Variants in HHIP observed in about 807,000 individuals in gnomAD.
HHIP encodes hedgehog interacting protein.
Under a neutral mutation model 74.0 loss-of-function variants are expected in HHIP, and 12 were observed. The observed-to-expected ratio is 0.16, with a 90% CI of 0.10 to 0.26. HHIP has a LOEUF of 0.26. Ranked by LOEUF, HHIP falls within the 10% of genes least tolerant of loss-of-function variation. The probability of loss-of-function intolerance (pLI) is 1.00; values close to 1 mark genes in which losing one functional copy is unlikely to be tolerated. For synonymous variants in HHIP, 309 were observed against 311.6 expected (o/e 0.99, Z 0.09); for missense variants, 788 against 845.0 (o/e 0.93, Z 0.84).
chr4:144,669,626 C>CA (rs948750076), intron 4 of HHIP, among the ~76,000 whole-genome samples: 30 of 151,328 alleles, frequency 2.0e-4, no homozygotes, highest in Middle Eastern at 3.4e-3. Flanking sequence ...AGTAGAGTAA[C>CA]AAAAAAAAGA....
At chr4:144,720,007 T>C (rs1384108172) in intron 11 of HHIP, among the ~76,000 whole-genome samples, 25 of 152,206 alleles carry the variant, frequency 1.6e-4, no homozygotes, top group Non-Finnish European at 1.0e-4. Context: ...TAGGTCGACA[T>C]TGGCTCTTGC....
At chr4:144,709,878 T>C (rs1372954850) in intron 7 of HHIP, among the ~76,000 whole-genome samples, 2 of 152,228 alleles carry the variant, frequency 1.3e-5, no homozygotes, top group African/African-American at 4.8e-5. Flanking sequence ...TCTCGCATTA[T>C]GATCATCCCC....
chr4:144,685,276 A>G (rs1729456028), intron 4 of HHIP, among the ~76,000 whole-genome samples: 1 of 152,210 alleles, frequency 6.6e-6, no homozygotes, highest in Non-Finnish European at 1.5e-5. Flanking sequence ...CCAAATTGAG[A>G]CAATTCTGAG....
intron 11 of HHIP, among the ~76,000 whole-genome samples, chr4:144,727,306 C>T (rs1332239669): frequency 1.3e-5 from 2 of 152,134 alleles, no homozygotes; most frequent in Admixed American, 6.6e-5. Context: ...CATGGGGGCT[C>T]TATCTTCATG....
rs939470124 is a variant in HHIP, at chr4:144,739,692, A to G, written c.*1735A>G. The G allele has an allele frequency of 6.6e-6, 1 of 152,224 alleles. No homozygotes were observed. The highest frequency in any genetic ancestry group is 1.5e-5 in the Non-Finnish European group (1 of 68,024). The allele number at this position is 152,224 out of a possible 1,614,324, so 9.4% of individuals were successfully genotyped here. ...AGAAATCTTGGTTCAGTGCTTAGTG[A>G]ACAATAGCCTGCATTAAAAAGTGCA... On this transcript the variant is annotated 3_prime_UTR_variant, in exon 13 of 13. Transcript: ENST00000296575.
intron 10 of HHIP, among the ~76,000 whole-genome samples, chr4:144,718,217 G>A (rs190037478): frequency 6.6e-6 from 1 of 152,254 alleles, no homozygotes; most frequent in Admixed American, 6.5e-5. Flanking sequence ...AGTGCAGTCA[G>A]GAAAGGTGAT....
intron 4 of HHIP, among the ~76,000 whole-genome samples, chr4:144,701,949 T>C (rs1729997856): frequency 1.3e-5 from 2 of 152,284 alleles, no homozygotes; most frequent in African/African-American, 4.8e-5. Context: ...ATGTTGTCTT[T>C]TAAATGTCAC....
At chr4:144,727,620 A>G (rs997781273) in intron 11 of HHIP, among the ~76,000 whole-genome samples, 2 of 152,210 alleles carry the variant, frequency 1.3e-5, no homozygotes, top group Non-Finnish European at 2.9e-5. Flanking sequence ...TTGTCTTTTT[A>G]TCTAAAAGCA....
chr4:144,741,045 G>A lies in HHIP; in HGVS notation c.*3088G>A, dbSNP rs969313302. 12 of 152,210 alleles carry A rather than the reference G, an allele frequency of 7.9e-5. No individual in the cohort carries two copies. The highest frequency in any genetic ancestry group is 5.8e-4 in the East Asian group (3 of 5,188). The allele number at this position is 152,210 out of a possible 1,614,324, so 9.4% of individuals were successfully genotyped here. ...CAATTTGGCAGATCTTTAAGTGAAA[G>A]AGAGAAAAAATTTAAGAAATTGAGT... is the stretch of plus-strand genomic sequence containing the variant. On this transcript the variant is annotated 3_prime_UTR_variant, in exon 13 of 13. Transcript: ENST00000296575.
At chr4:144,711,004 G>T (rs1730281216) in intron 7 of HHIP, among the ~76,000 whole-genome samples, 1 of 151,714 alleles carries the variant, frequency 6.6e-6, no homozygotes. Flanking sequence ...TATATTCCTG[G>T]CTTTGAACCA....
chr4:144,660,230 C>G (rs183929932), intron 4 of HHIP: 1 of 264,702 alleles, frequency 3.8e-6, no homozygotes, highest in Non-Finnish European at 7.0e-6. Context: ...CTTTCACCAT[C>G]TCTGTTTTTG....
At position 144,654,536 on chromosome 4, in the gene HHIP, T is replaced by G. The variant is rs17019593; in HGVS notation, c.472+1739T>G. 1.8e-3 allele frequency among the ~76,000 whole-genome samples: 268 copies of G among 152,278 alleles called. 3 individuals are homozygous for G. Among genetic ancestry groups the G allele is most frequent in the African/African-American group, 5.8e-3 (243 of 41,552 alleles). On this transcript the variant is annotated intron_variant, in intron 2 of 12. Coordinates refer to ENST00000296575, the MANE Select transcript of HHIP (RefSeq NM_022475.3). The stretch of plus-strand genomic sequence containing the variant: ...AAATGCTAATGATCATTCTCAATAC[T>G]TGCCCCAAAAGTGAGCTGTAATAAC...
rs773838830 is a variant in HHIP at position 144,659,666 on chromosome 4, A to G, written c.659A>G (p.Gln220Arg). The change falls in exon 4 of 13, where the codon CAG becomes CGG. Residue 220 changes from glutamine to arginine, a missense_variant. Gln to Arg is a conservative substitution (Grantham distance 43). Around this residue, in one of 3 missense-constraint regions of HHIP, gnomAD observed 373 missense variants for 366.4 expected, o/e 1.02. Coordinates refer to ENST00000296575, the MANE Select transcript of HHIP (RefSeq NM_022475.3). Reference protein sequence around the residue: ...RKHKHNCFCIQEVVSGLRQPV... With the variant: ...RKHKHNCFCIREVVSGLRQPV... Reference sequence around the variant, plus strand: ...CACAAACACAACTGCTTCTGTATTCAGGAGGTTGTGAGTGGGCTGCGGCAG... The same window carrying G: ...CACAAACACAACTGCTTCTGTATTCGGGAGGTTGTGAGTGGGCTGCGGCAG... The G allele has an allele frequency of 1.9e-6, 3 of 1,541,688 alleles. No homozygotes were observed. The highest frequency in any genetic ancestry group is 4.4e-5 in the Admixed American group (2 of 45,082).
rs1730424204 is a variant in HHIP, at chr4:144,715,499, G to C, written c.1678+69G>C. 6 of 1,463,792 alleles carry C rather than the reference G, an allele frequency of 4.1e-6. No homozygotes were observed. In the South Asian group the frequency reaches 4.9e-5, roughly 12 times the overall value. 90.7% of individuals were successfully genotyped at this position (1,463,792 alleles called of 1,614,324 possible). A position where few individuals can be genotyped will look rare whatever the true frequency, so the allele number is the denominator to read the frequency against. On this transcript the variant is annotated intron_variant, in intron 10 of 12. Coordinates refer to ENST00000296575, the MANE Select transcript of HHIP (RefSeq NM_022475.3). ...TTTTCAAGAGGCTTTGTTCTGCCCTGAAGAATAAATACAGCAATCTTATCC... is the reference window on the plus strand; with the variant it reads ...TTTTCAAGAGGCTTTGTTCTGCCCTCAAGAATAAATACAGCAATCTTATCC...
intron 10 of HHIP, among the ~76,000 whole-genome samples, chr4:144,718,081 T>C (rs554986705): frequency 1.2e-4 from 19 of 152,286 alleles, no homozygotes; most frequent in Non-Finnish European, 2.5e-4. Context: ...ATTTATATTG[T>C]ACAGGAGGAG....
chr4:144,697,457 G>A (rs1027434294), intron 4 of HHIP, among the ~76,000 whole-genome samples: 4 of 151,944 alleles, frequency 2.6e-5, no homozygotes, highest in Admixed American at 6.6e-5. Flanking sequence ...CATCTGATGC[G>A]TATTGAGCCA....
chr4:144,684,356 T>C (rs956241052), intron 4 of HHIP, among the ~76,000 whole-genome samples: 9 of 133,892 alleles, frequency 6.7e-5, no homozygotes, highest in African/African-American at 2.5e-4. Flanking sequence ...CCTCCCGGGT[T>C]CACGCCATTC....
intron 7 of HHIP, among the ~76,000 whole-genome samples, chr4:144,710,617 T>A (rs1730269455): frequency 6.6e-6 from 1 of 152,240 alleles, no homozygotes; most frequent in Non-Finnish European, 1.5e-5. Flanking sequence ...ATATATTTTG[T>A]TGGCCTAGAA....
intron 7 of HHIP, 64 bp from the exon 8 acceptor site, chr4:144,711,886 T>A (rs1730315066): frequency 1.1e-5 from 17 of 1,525,710 alleles, no homozygotes; most frequent in Non-Finnish European, 1.5e-5. Context: ...ATGTCAGGAA[T>A]CTCCAGTCTG....
Sources: allele counts gnomAD v4.1 joint callset (sites outside exome capture counted in the v4.1 genomes callset), GRCh38; gene constraint gnomAD v4.1.1; regional missense constraint gnomAD v4.1.1; transcripts MANE v1.5; gene names NCBI Gene and HGNC (gene_info 2026-07-23, HGNC 2026-07-21).